Variants in CACNA2D4 observed in about 807,000 individuals in gnomAD.
The protein encoded by CACNA2D4 is voltage-dependent calcium channel subunit alpha-2/delta-4.
CACNA2D4 carries 157 observed loss-of-function variants against 163.8 expected under a neutral mutation model. That is an observed-to-expected ratio of 0.96 (90% CI 0.84 to 1.09). The LOEUF (loss-of-function observed/expected upper bound fraction) is 1.09, where lower values mean the gene tolerates loss of function less well. Ranked by LOEUF, CACNA2D4 falls within the 50% of genes least tolerant of loss-of-function variation. The pLI is 0.00. For synonymous variants in CACNA2D4, 598 were observed against 586.9 expected (o/e 1.02, Z -0.27); for missense variants, 1,410 against 1,479.9 (o/e 0.95, Z 0.78).
rs1864601790 is a variant in CACNA2D4 at position 1,831,040 on chromosome 12, G to A, written c.2551+9699C>T. On this transcript the variant is annotated intron_variant, in intron 26 of 37. Coordinates refer to ENST00000382722, the MANE Select transcript of CACNA2D4 (RefSeq NM_172364.5). ...CTGGAGGTGGACTGCAGTGGCCTTG[G>A]CCTCACCACGGTGCCCCCAGACGTG... is the stretch of plus-strand genomic sequence containing the variant. 6.2e-7 allele frequency: 1 copy of A among 1,614,072 alleles called. No individual in the cohort carries two copies. The highest frequency in any genetic ancestry group is 8.5e-7 in the Non-Finnish European group (1 of 1,180,034).
intron 3 of CACNA2D4, among the ~76,000 whole-genome samples, chr12:1,912,447 C>T (rs1592753043): frequency 6.6e-6 from 1 of 152,248 alleles, no homozygotes; most frequent in African/African-American, 2.4e-5. Context: ...GTAACAGAGT[C>T]ACCTGGGCAC....
Position 1,884,876 on chromosome 12 carries a change from T to C in CACNA2D4, c.1164A>G (p.Gln388=), listed in dbSNP as rs1456539081. The C allele has an allele frequency of 6.2e-7, 1 of 1,613,516 alleles. No individual in the cohort carries two copies. The highest frequency in any genetic ancestry group is 8.5e-7 in the Non-Finnish European group (1 of 1,179,644). Residue 388 remains glutamine, a synonymous_variant, in exon 11 of 38, where the codon CAA becomes CAG. Transcript: ENST00000382722. ...REAFQILKQF[Q]EAKQGSLCNQ... is the part of the protein sequence containing the mutation. ...TGCAGAGGCTTCCTTGCTTGGCCTCTTGGAACTGTGTAGGGAAGAGGAGTG... is the reference window on the plus strand; with the variant it reads ...TGCAGAGGCTTCCTTGCTTGGCCTCCTGGAACTGTGTAGGGAAGAGGAGTG...
At chr12:1,884,377 T>C in intron 11 of CACNA2D4, 56 bp from the exon 12 acceptor site, 1 of 1,385,108 alleles carries the variant, frequency 7.2e-7, no homozygotes, top group South Asian at 1.2e-5. Context: ...ATAAGTAATG[T>C]TAACATTGTT....
rs1863296125 is a variant in CACNA2D4, at chr12:1,800,870, C to T, written c.2868+173G>A. 4 of 628,322 alleles carry T rather than the reference C, an allele frequency of 6.4e-6. No homozygotes were observed. In the South Asian group the frequency reaches 7.7e-5, roughly 12 times the overall value. 38.9% of individuals were successfully genotyped at this position (628,322 alleles called of 1,614,324 possible). A position where few individuals can be genotyped will look rare whatever the true frequency, so the allele number is the denominator to read the frequency against. ...CCCCAAAGCCAGACCCAGAGGCCTGCCTGGGAGTGGGACTGAGAGCAGTGG... is the reference window on the plus strand; with the variant it reads ...CCCCAAAGCCAGACCCAGAGGCCTGTCTGGGAGTGGGACTGAGAGCAGTGG... On this transcript the variant is annotated intron_variant, in intron 31 of 37. Coordinates refer to ENST00000382722, the MANE Select transcript of CACNA2D4 (RefSeq NM_172364.5).
intron 25 of CACNA2D4, among the ~76,000 whole-genome samples, chr12:1,841,100 T>A (rs555604359): frequency 1.8e-4 from 27 of 152,346 alleles, no homozygotes; most frequent in Admixed American, 1.6e-3. Context: ...GTTTGTCGGC[T>A]GCGGCATGCA....
intron 3 of CACNA2D4, among the ~76,000 whole-genome samples, chr12:1,910,826 A>G (rs1042941030): frequency 6.6e-6 from 1 of 152,172 alleles, no homozygotes; most frequent in Non-Finnish European, 1.5e-5. Flanking sequence ...AAAGCAGAAT[A>G]GTGGTTGCAG....
intron 6 of CACNA2D4, among the ~76,000 whole-genome samples, chr12:1,903,075 A>G (rs1592746219): frequency 6.6e-6 from 1 of 152,180 alleles, no homozygotes; most frequent in East Asian, 1.9e-4. Context: ...TCTACAGTGA[A>G]CTCATTTTCT....
Position 1,820,247 on chromosome 12 carries a change from G to C in CACNA2D4, c.2552-8524C>G, listed in dbSNP as rs528893060. 2.0e-5 allele frequency: 3 copies of C among 147,500 alleles called. No individual in the cohort carries two copies. Among genetic ancestry groups the C allele is most frequent in the African/African-American group, 5.4e-5 (2 of 37,028 alleles). The allele number at this position is 147,500 out of a possible 1,614,324, so 9.1% of individuals were successfully genotyped here. ...AGAGGCACAGAAGACAGGTGCAGCC[G>C]GGGGGGTGAGGGAGAGCCTGGAGGC... On this transcript the variant is annotated intron_variant, in intron 26 of 37. Coordinates refer to ENST00000382722, the MANE Select transcript of CACNA2D4 (RefSeq NM_172364.5). The surrounding 1 kb of genome is among the most constrained non-coding windows in gnomAD (Gnocchi z 6.0).
intron 26 of CACNA2D4, among the ~76,000 whole-genome samples, chr12:1,826,312 G>T (rs1402196380): frequency 1.3e-5 from 2 of 151,956 alleles, no homozygotes; most frequent in Non-Finnish European, 2.9e-5. Flanking sequence ...AGCAGGTATT[G>T]CGGTCACCAT....
intron 6 of CACNA2D4, among the ~76,000 whole-genome samples, chr12:1,889,580 GCC>G (rs143357732): frequency 0.047 from 7,093 of 151,426 alleles, 424 homozygotes; most frequent in African/African-American, 0.14. Context: ...TGCCTCAGCC[GCC>G]CCCCCCAGTA....
rs16928794 is a variant in CACNA2D4 at position 1,828,385 on chromosome 12, G to A, written c.2551+12354C>T. ...TCTGGGAAGCCAGGGTCACGCCCAC[G>A]GTGACAGCATCCCTGCCAGTCAGAG... On this transcript the variant is annotated intron_variant, in intron 26 of 37. Transcript: ENST00000382722. This position sits in a 1 kb window ranked among gnomAD's most constrained non-coding sequence, Gnocchi z 4.2. 0.054 allele frequency among the ~76,000 whole-genome samples: 8,294 copies of A among 152,294 alleles called. 345 individuals carry two copies. Among genetic ancestry groups the A allele is most frequent in the Non-Finnish European group, 0.071 (4,828 of 68,000 alleles).
intron 26 of CACNA2D4, among the ~76,000 whole-genome samples, chr12:1,819,123 C>T (rs10744553): frequency 0.49 from 73,836 of 151,884 alleles, 19,209 homozygotes; most frequent in East Asian, 0.74. Context: ...TGTGGTGTTC[C>T]GGGGAAACGT....
At chr12:1,855,967 G>A in intron 22 of CACNA2D4, 45 bp downstream of exon 22, 1 of 1,487,592 alleles carries the variant, frequency 6.7e-7, no homozygotes, top group Non-Finnish European at 9.4e-7. Context: ...CTGAACTTCA[G>A]GGCCCCAGAG....
intron 6 of CACNA2D4, among the ~76,000 whole-genome samples, chr12:1,887,320 G>C (rs1866172329): frequency 6.6e-6 from 1 of 152,230 alleles, no homozygotes; most frequent in Admixed American, 6.5e-5. Flanking sequence ...TGGTGCCTGG[G>C]ACTCATTTGT....
In CACNA2D4 at chr12:1,798,197, A is replaced by G. The variant is rs994378515; in HGVS notation, c.2996-662T>C. On this transcript the variant is annotated intron_variant, in intron 34 of 37. Transcript: ENST00000382722. The surrounding 1 kb of genome is among the most constrained non-coding windows in gnomAD (Gnocchi z 4.3). ...AACCAAAGGTGGAGGCGAGTGCCTCAGCCCCGCTCTGCAGGACCCGAGTCC... is the reference window on the plus strand; with the variant it reads ...AACCAAAGGTGGAGGCGAGTGCCTCGGCCCCGCTCTGCAGGACCCGAGTCC... Among the ~76,000 whole-genome samples, 2 of 152,184 alleles carry G rather than the reference A, an allele frequency of 1.3e-5. No individual in the cohort carries two copies. The highest frequency in any genetic ancestry group is 2.9e-5 in the Non-Finnish European group (2 of 68,008).
rs990254334 is a variant in CACNA2D4 at position 1,834,804 on chromosome 12, G to A, written c.2551+5935C>T. 12 of 1,467,614 alleles carry A rather than the reference G, an allele frequency of 8.2e-6. No individual in the cohort carries two copies. The highest frequency in any genetic ancestry group is 7.3e-5 in the Admixed American group (3 of 41,184). The allele number at this position is 1,467,614 out of a possible 1,614,324, so 90.9% of individuals were successfully genotyped here. ...GCCACAGCTCCCACCTTGACCCGGC[G>A]CTGGCCACTGCCTCCCCGAGTCCAC... On this transcript the variant is annotated intron_variant, in intron 26 of 37. Coordinates refer to ENST00000382722, the MANE Select transcript of CACNA2D4 (RefSeq NM_172364.5). This position sits in a 1 kb window ranked among gnomAD's most constrained non-coding sequence, Gnocchi z 7.6.
chr12:1,810,432 G>A (rs1240910201), intron 28 of CACNA2D4, 92 bp from the exon 29 acceptor site: 20 of 1,516,724 alleles, frequency 1.3e-5, no homozygotes, highest in Non-Finnish European at 1.6e-5. Context: ...CAGCGTGGGA[G>A]CTTCACTGCA....
Position 1,878,287 on chromosome 12 carries a change from T to A in CACNA2D4, c.1719+28A>T. The A allele has an allele frequency of 2.5e-6, 4 of 1,596,588 alleles. No homozygotes were observed. In the South Asian group the frequency reaches 4.6e-5, roughly 18 times the overall value. ...ACCCCCAAATCCCATACAGTAAGGA[T>A]CCCAAGGCAAAGAAGATCTGTACCT... On this transcript the variant is annotated intron_variant, in intron 16 of 37. Transcript: ENST00000382722. This position sits in a 1 kb window ranked among gnomAD's most constrained non-coding sequence, Gnocchi z 4.6.
At chr12:1,892,277 G>GA (rs1049748427) in intron 6 of CACNA2D4, among the ~76,000 whole-genome samples, 4 of 152,164 alleles carry the variant, frequency 2.6e-5, no homozygotes, top group Non-Finnish European at 4.4e-5. Flanking sequence ...ATTGGAAAAG[G>GA]AAAAAAACTG....
Sources: allele counts gnomAD v4.1 joint callset (sites outside exome capture counted in the v4.1 genomes callset), GRCh38; gene constraint gnomAD v4.1.1; non-coding constraint Gnocchi (gnomAD v3.1); transcripts MANE v1.5; gene names NCBI Gene and HGNC (gene_info 2026-07-23, HGNC 2026-07-21).